ERGIC1: variants seen among roughly 807,000 people sequenced by gnomAD.
The protein encoded by ERGIC1 is endoplasmic reticulum-golgi intermediate compartment 1, also known as endoplasmic reticulum-Golgi intermediate compartment protein 1.
In ERGIC1, 19 loss-of-function variants were observed where a neutral mutation model predicts 38.3. That is an observed-to-expected ratio of 0.50 (90% CI 0.35 to 0.73). ERGIC1 has a LOEUF of 0.73. Among genes scored for constraint, ERGIC1 ranks in the 30% least tolerant of loss-of-function variants. The pLI is 0.01. For synonymous variants in ERGIC1, 124 were observed against 157.6 expected, an observed-to-expected ratio of 0.79 and a Z score of 1.60; for missense variants, 294 against 389.2, an observed-to-expected ratio of 0.76 and a Z score of 2.06.
At chr5:172,940,077 C>T (rs1763976027) in intron 9 of ERGIC1, among the ~76,000 whole-genome samples, 1 of 151,890 alleles carries the variant, frequency 6.6e-6, no homozygotes, top group Non-Finnish European at 1.5e-5. Flanking sequence ...GGGATGTCGT[C>T]ATGTGGCGGC....
At chr5:172,943,872 G>A (rs1051121482) in intron 9 of ERGIC1, among the ~76,000 whole-genome samples, 2 of 152,152 alleles carry the variant, frequency 1.3e-5, no homozygotes, top group South Asian at 2.1e-4. Flanking sequence ...GCTCCAGTGC[G>A]GCTGGAACAC....
chr5:172,843,758 T>C (rs1761218989), intron 1 of ERGIC1, among the ~76,000 whole-genome samples: 1 of 152,238 alleles, frequency 6.6e-6, no homozygotes, highest in Non-Finnish European at 1.5e-5. Context: ...ATTGCACTCA[T>C]TCGGCAGAAC....
chr5:172,935,202 C>T lies in ERGIC1; in HGVS notation c.657C>T (p.Tyr219=), dbSNP rs1218009631. 2 of 1,614,182 alleles carry T rather than the reference C, an allele frequency of 1.2e-6. No homozygotes were observed. The highest frequency in any genetic ancestry group is 1.7e-5 in the Admixed American group (1 of 60,028). The change falls in exon 9 of 10, where the codon TAC becomes TAT. Residue 219 remains tyrosine (Y), a synonymous_variant. Coordinates refer to ENST00000393784, the MANE Select transcript of ERGIC1 (RefSeq NM_001031711.3). ...YTVANKEYVA[Y]SHTGRIIPAI... is the part of the protein sequence containing the mutation. Reference sequence around the variant, plus strand: ...CTCTACCCCAGGAATACGTCGCCTACAGCCACACGGGCCGCATCATCCCTG... The same window carrying T: ...CTCTACCCCAGGAATACGTCGCCTATAGCCACACGGGCCGCATCATCCCTG...
At chr5:172,886,123 C>T (rs372196327) in intron 1 of ERGIC1, among the ~76,000 whole-genome samples, 4 of 152,060 alleles carry the variant, frequency 2.6e-5, no homozygotes, top group African/African-American at 7.2e-5. Flanking sequence ...GACCGCCCGC[C>T]GGCCCCCATC....
At chr5:172,870,283 C>T (rs1373124300) in intron 1 of ERGIC1, among the ~76,000 whole-genome samples, 3 of 152,146 alleles carry the variant, frequency 2.0e-5, no homozygotes, top group Admixed American at 6.5e-5. Context: ...TTTCACTTAA[C>T]GGGCTGCCCT....
At chr5:172,881,306 T>A (rs533591919) in intron 1 of ERGIC1, among the ~76,000 whole-genome samples, 1 of 151,958 alleles carries the variant, frequency 6.6e-6, no homozygotes, top group Non-Finnish European at 1.5e-5. Flanking sequence ...GAGAAAACGG[T>A]ACAGGGACCA....
At chr5:172,880,087 AC>A (rs1257636186) in intron 1 of ERGIC1, among the ~76,000 whole-genome samples, 1 of 151,514 alleles carries the variant, frequency 6.6e-6, no homozygotes, top group Non-Finnish European at 1.5e-5. Flanking sequence ...AGGCTGGAGT[AC>A]TGCAGAGCCG....
At chr5:172,908,318 G>GGGGA (rs1561729632) in intron 3 of ERGIC1, among the ~76,000 whole-genome samples, 1 of 7,324 alleles carries the variant, frequency 1.4e-4, no homozygotes, top group Non-Finnish European at 2.1e-4. Flanking sequence ...GGGGGGGGGG[G>GGGGA]AGAGAGGGGA....
At chr5:172,862,307 CAAAAAAAAAAAAA>C (rs58968820) in intron 1 of ERGIC1, among the ~76,000 whole-genome samples, 2 of 49,480 alleles carry the variant, frequency 4.0e-5, no homozygotes, top group Non-Finnish European at 6.2e-5. Flanking sequence ...GACTACATCT[CAAAAAAAAAAAAA>C]AAAAAAAAAA....
At chr5:172,908,823 G>A (rs543384727) in intron 3 of ERGIC1, among the ~76,000 whole-genome samples, 4 of 152,314 alleles carry the variant, frequency 2.6e-5, no homozygotes, top group South Asian at 4.1e-4. Flanking sequence ...TAATACAGCC[G>A]TCAAGTCGTT....
At chr5:172,943,091 A>G (rs79931282) in intron 9 of ERGIC1, among the ~76,000 whole-genome samples, 7,920 of 152,162 alleles carry the variant, frequency 0.052, 260 homozygotes, top group African/African-American at 0.095. Flanking sequence ...TGGACAAGTC[A>G]TTCCCTCTCT....
At chr5:172,934,963 C>G (rs2113472206) in intron 8 of ERGIC1, 1 of 565,920 alleles carries the variant, frequency 1.8e-6, no homozygotes, top group East Asian at 2.9e-5. Context: ...CTCACTTGGT[C>G]AATTTCTAAA....
chr5:172,941,148 TGTAGTCCCA>T (rs927707540), intron 9 of ERGIC1, among the ~76,000 whole-genome samples: 2 of 152,032 alleles, frequency 1.3e-5, no homozygotes, highest in Admixed American at 1.3e-4. Context: ...GTAGCACGCC[TGTAGTCCCA>T]GCTACTGTGG....
At chr5:172,907,491 G>T (rs1036466155) in intron 3 of ERGIC1, among the ~76,000 whole-genome samples, 2 of 152,090 alleles carry the variant, frequency 1.3e-5, no homozygotes, top group Non-Finnish European at 2.9e-5. Flanking sequence ...CCGGGAGGCG[G>T]AGGTTGCAGT....
At chr5:172,836,240 G>A (rs905427919) in intron 1 of ERGIC1, among the ~76,000 whole-genome samples, 2 of 152,172 alleles carry the variant, frequency 1.3e-5, no homozygotes, top group African/African-American at 2.4e-5. Flanking sequence ...TTGAATTGGT[G>A]GCTTGTGGGG....
At chr5:172,865,051 CTTTTTTTTTTTTTT>C (rs55657045) in intron 1 of ERGIC1, among the ~76,000 whole-genome samples, 2 of 93,852 alleles carry the variant, frequency 2.1e-5, no homozygotes, top group African/African-American at 7.5e-5. Flanking sequence ...GAAAGAAATT[CTTTTTTTTTTTTTT>C]TTTTTTTTTG....
rs57088047 is a variant in ERGIC1, at chr5:172,909,902, C to T, written c.250+141C>T. Reference sequence around the variant, plus strand: ...TCTTTTTTGGAGGAGAATATAATTGCGTATGCATGCACTTGGAGGTTTTCT... The same window carrying T: ...TCTTTTTTGGAGGAGAATATAATTGTGTATGCATGCACTTGGAGGTTTTCT... On this transcript the variant is annotated intron_variant, in intron 4 of 9. Coordinates refer to ENST00000393784, the MANE Select transcript of ERGIC1 (RefSeq NM_001031711.3). The T allele has an allele frequency of 1.4e-3, 1,017 of 737,428 alleles. 12 individuals are homozygous for T. The African/African-American group carries it at 0.015, about 11-fold the overall frequency. The allele number at this position is 737,428 out of a possible 1,614,324, so 45.7% of individuals were successfully genotyped here.
intron 1 of ERGIC1, among the ~76,000 whole-genome samples, chr5:172,876,178 G>A (rs900812369): frequency 1.3e-5 from 2 of 152,130 alleles, no homozygotes; most frequent in African/African-American, 2.4e-5. Flanking sequence ...ATGGATCACT[G>A]CATTCAGGCA....
intron 1 of ERGIC1, among the ~76,000 whole-genome samples, chr5:172,886,888 G>A (rs952672395): frequency 5.3e-5 from 8 of 152,102 alleles, no homozygotes; most frequent in Admixed American, 1.3e-4. Context: ...CCCACTTTCT[G>A]ACTAAGGGAT....
Sources: gnomAD v4.1 joint callset for allele counts (sites outside exome capture counted in the v4.1 genomes callset) on GRCh38, gnomAD v4.1.1 for gene constraint, MANE v1.5 for transcripts, NCBI Gene and HGNC (gene_info 2026-07-23, HGNC 2026-07-21) for gene names.